The following ARHGAP44 variants were observed in gnomAD, a reference collection of about 807,000 sequenced individuals.
ARHGAP44 encodes rho GTPase-activating protein 44.
ARHGAP44 carries 43 observed loss-of-function variants against 106.8 expected under a neutral mutation model. The ratio of observed to expected loss-of-function variants is 0.40; its 90% CI spans 0.32 to 0.52. ARHGAP44 has a LOEUF of 0.52. Ranked by LOEUF, ARHGAP44 falls within the 20% of genes least tolerant of loss-of-function variation. The probability of loss-of-function intolerance (pLI) is 0.48; values close to 1 mark genes in which losing one functional copy is unlikely to be tolerated. For missense variants in ARHGAP44, 866 were observed against 1,050.5 expected (o/e 0.82, Z 2.43); for synonymous variants, 439 against 410.3 (o/e 1.07, Z -0.85).
At chr17:12,814,235 G>GTTTTTT (rs773171329) in intron 1 of ARHGAP44, among the ~76,000 whole-genome samples, 41 of 87,254 alleles carry the variant, frequency 4.7e-4, no homozygotes, top group African/African-American at 1.1e-3. Flanking sequence ...CCAAACTGGT[G>GTTTTTT]TTTTTTTTTT....
chr17:12,800,995 C>CA (rs1441320962), intron 1 of ARHGAP44, among the ~76,000 whole-genome samples: 1 of 152,188 alleles, frequency 6.6e-6, no homozygotes, highest in East Asian at 1.9e-4. Context: ...TACCCTTAAC[C>CA]ACAAGGAGCA....
chr17:12,974,266 C>A lies in ARHGAP44; in HGVS notation c.1719C>A (p.Leu573=), dbSNP rs1301837075. The A allele has an allele frequency of 6.6e-7, 1 of 1,505,094 alleles. No homozygotes were observed. Among genetic ancestry groups the A allele is most frequent in the Non-Finnish European group, 8.8e-7 (1 of 1,130,114 alleles). 93.2% of individuals were successfully genotyped at this position (1,505,094 alleles called of 1,614,324 possible). The part of the protein sequence containing the change: ...QPLDSPAAPA[L]SPSGLGLQPG... ...TGGACAGCCCCGCGGCCCCCGCGCTCTCTCCATCCGGCCTGGGCCTCCAGC... is the reference window on the plus strand; with the variant it reads ...TGGACAGCCCCGCGGCCCCCGCGCTATCTCCATCCGGCCTGGGCCTCCAGC... The change falls in exon 18 of 21, where the codon CTC becomes CTA. Residue 573 remains leucine (L), a synonymous_variant. Transcript: ENST00000379672.
chr17:12,949,394 A>G lies in ARHGAP44; in HGVS notation c.973+143A>G. The G allele has an allele frequency of 1.1e-6, 1 of 948,116 alleles. No homozygotes were observed. The allele number at this position is 948,116 out of a possible 1,614,324, so 58.7% of individuals were successfully genotyped here. On this transcript the variant is annotated intron_variant, in intron 11 of 20. Transcript: ENST00000379672. The surrounding 1 kb of genome is among the most constrained non-coding windows in gnomAD (Gnocchi z 4.1). Reference sequence around the variant, plus strand: ...ATGTGTCCACTCAGTGCCCAGTTTCAGGGCTGGGTGCTCTGGCCCCTTGAA... The same window carrying G: ...ATGTGTCCACTCAGTGCCCAGTTTCGGGGCTGGGTGCTCTGGCCCCTTGAA...
chr17:12,913,048 G>A (rs1447322745), intron 4 of ARHGAP44, among the ~76,000 whole-genome samples: 1 of 152,172 alleles, frequency 6.6e-6, no homozygotes, highest in Admixed American at 6.5e-5. Context: ...ATGTGCCTTA[G>A]GGATACAGGA....
intron 18 of ARHGAP44, among the ~76,000 whole-genome samples, chr17:12,976,612 C>CCAA (rs527857746): frequency 1.2e-5 from 1 of 85,086 alleles, no homozygotes. Flanking sequence ...GACTCTGTGT[C>CCAA]AAAAAAAAAA....
intron 1 of ARHGAP44, among the ~76,000 whole-genome samples, chr17:12,851,952 G>T (rs1366891845): frequency 1.3e-5 from 2 of 151,650 alleles, no homozygotes; most frequent in Non-Finnish European, 2.9e-5. Context: ...ATAAAAATGA[G>T]CTTGTCCTAT....
At chr17:12,934,048 C>T (rs1385758995) in intron 7 of ARHGAP44, among the ~76,000 whole-genome samples, 1 of 151,976 alleles carries the variant, frequency 6.6e-6, no homozygotes, top group Non-Finnish European at 1.5e-5. Context: ...AGGGTTTCAC[C>T]GTGTTAGCCA....
chr17:12,982,368 T>C (rs1201892419), intron 19 of ARHGAP44, among the ~76,000 whole-genome samples: 1 of 151,874 alleles, frequency 6.6e-6, no homozygotes, highest in East Asian at 1.9e-4. Flanking sequence ...GCCGACAATT[T>C]CACATCCTAT....
chr17:12,963,749 C>T (rs2039324490), intron 16 of ARHGAP44, among the ~76,000 whole-genome samples: 1 of 133,624 alleles, frequency 7.5e-6, no homozygotes, highest in Non-Finnish European at 1.7e-5. Context: ...TGCCAGAACT[C>T]TAGATTGGTG....
At position 12,964,956 on chromosome 17, in the gene ARHGAP44, A is replaced by C. The variant is rs117225300; in HGVS notation, c.1523+6059A>C. On this transcript the variant is annotated intron_variant, in intron 16 of 20. Transcript: ENST00000379672. ...TTCAGTAGACCACTGCCCACTCCCTACCTCTGTGTTTCCTCAGTACCTTCC... is the reference window on the plus strand; with the variant it reads ...TTCAGTAGACCACTGCCCACTCCCTCCCTCTGTGTTTCCTCAGTACCTTCC... Among the ~76,000 whole-genome samples the C allele has an allele frequency of 5.5e-3, 834 of 151,586 alleles. 41 individuals carry two copies. The East Asian group carries it at 0.12, about 22-fold the overall frequency.
chr17:12,921,224 G>A (rs185122809), intron 6 of ARHGAP44, among the ~76,000 whole-genome samples: 3,509 of 152,048 alleles, frequency 0.023, 120 homozygotes, highest in African/African-American at 0.08. Flanking sequence ...CTGCCACCAC[G>A]CTCAGCTAAT....
Position 12,989,101 on chromosome 17 carries a change from C to CGAAAAAAAA in ARHGAP44, c.2318-931_2318-930insGAAAAAAAA, listed in dbSNP as rs1598173210. On this transcript the variant is annotated intron_variant, in intron 20 of 20. Transcript: ENST00000379672. ...GACAAGAGCGAAACTCCACCCCCCCCAAAAAAAAAAAAAAAAAAAAAAAAC... is the reference window on the plus strand; with the variant it reads ...GACAAGAGCGAAACTCCACCCCCCCCGAAAAAAAAAAAAAAAAAAAAAAAAAAAAAAAAC... Among the ~76,000 whole-genome samples the CGAAAAAAAA allele has an allele frequency of 4.0e-4, 18 of 45,162 alleles. 1 individual carries two copies. Among genetic ancestry groups the CGAAAAAAAA allele is most frequent in the African/African-American group, 1.0e-3 (12 of 11,732 alleles). 29.6% of individuals were successfully genotyped at this position (45,162 alleles called of 152,430 possible).
intron 17 of ARHGAP44, chr17:12,973,665 C>T (rs987031237): frequency 8.3e-6 from 4 of 481,212 alleles, no homozygotes; most frequent in South Asian, 2.9e-5. Context: ...TTCGCTGCCC[C>T]TCCCACCTCG....
intron 1 of ARHGAP44, among the ~76,000 whole-genome samples, chr17:12,797,569 G>C (rs1002849421): frequency 6.6e-5 from 10 of 152,202 alleles, no homozygotes; most frequent in Non-Finnish European, 1.3e-4. Flanking sequence ...TTGGGTGGGA[G>C]TGGAGTCAGG....
At chr17:12,854,958 CAAAA>C (rs1182512832) in intron 1 of ARHGAP44, among the ~76,000 whole-genome samples, 7 of 50,932 alleles carry the variant, frequency 1.4e-4, no homozygotes, top group Non-Finnish European at 2.8e-4. Context: ...AACTCTGTCT[CAAAA>C]AAAAAAAAAA....
At chr17:12,846,537 C>T (rs1300439808) in intron 1 of ARHGAP44, among the ~76,000 whole-genome samples, 1 of 152,206 alleles carries the variant, frequency 6.6e-6, no homozygotes, top group Non-Finnish European at 1.5e-5. Flanking sequence ...TACACTGATA[C>T]ATTGTAATGT....
intron 4 of ARHGAP44, among the ~76,000 whole-genome samples, chr17:12,909,745 A>G (rs2150940948): frequency 6.6e-6 from 1 of 152,264 alleles, no homozygotes; most frequent in Middle Eastern, 3.4e-3. Flanking sequence ...GGAATTCCTG[A>G]GGAAGAAAAT....
intron 16 of ARHGAP44, among the ~76,000 whole-genome samples, chr17:12,972,581 G>A (rs1377400974): frequency 6.6e-6 from 1 of 151,976 alleles, no homozygotes; most frequent in Non-Finnish European, 1.5e-5. Context: ...CCAGGAGGCA[G>A]AGGTTGCAGT....
At chr17:12,975,675 G>A (rs2039659584) in intron 18 of ARHGAP44, among the ~76,000 whole-genome samples, 2 of 151,536 alleles carry the variant, frequency 1.3e-5, no homozygotes, top group Non-Finnish European at 2.9e-5. Flanking sequence ...GCGGGCGCCT[G>A]TAGTCCCAGC....
Sources: gnomAD v4.1 joint callset for allele counts (sites outside exome capture counted in the v4.1 genomes callset) on GRCh38, gnomAD v4.1.1 for gene constraint, Gnocchi (gnomAD v3.1) non-coding constraint, MANE v1.5 for transcripts, NCBI Gene and HGNC (gene_info 2026-07-23, HGNC 2026-07-21) for gene names.